Variants in TMPRSS12 observed in about 807,000 individuals in gnomAD.
TMPRSS12 encodes transmembrane protease serine 12.
In TMPRSS12, 25 loss-of-function variants were observed where a neutral mutation model predicts 26.0. The ratio of observed to expected loss-of-function variants is 0.96; its 90% CI spans 0.70 to 1.34. The LOEUF (loss-of-function observed/expected upper bound fraction) is 1.34. TMPRSS12 is among the 40% of genes most tolerant of loss of function. The probability of loss-of-function intolerance (pLI) is 0.00; values close to 1 mark genes in which losing one functional copy is unlikely to be tolerated. For missense variants in TMPRSS12, 441 were observed against 440.1 expected, an observed-to-expected ratio of 1.00 and a Z score of -0.02; for synonymous variants, 150 against 161.7, an observed-to-expected ratio of 0.93 and a Z score of 0.55.
At chr12:50,871,134 G>A (rs1938038609) in intron 3 of TMPRSS12, among the ~76,000 whole-genome samples, 1 of 152,012 alleles carries the variant, frequency 6.6e-6, no homozygotes, top group African/African-American at 2.4e-5. Context: ...AGCCCACAAA[G>A]CCAAAGCAAG....
chr12:50,874,439 C>G (rs1938094577), intron 3 of TMPRSS12, among the ~76,000 whole-genome samples: 1 of 151,852 alleles, frequency 6.6e-6, no homozygotes, highest in Non-Finnish European at 1.5e-5. Context: ...TAAAATAAAG[C>G]CTATATTAAT....
At chr12:50,859,125 T>C (rs1937910710) in intron 3 of TMPRSS12, 72 bp downstream of exon 3, 1 of 1,330,848 alleles carries the variant, frequency 7.5e-7, no homozygotes, top group African/African-American at 1.5e-5. Context: ...ACCTTTTATA[T>C]ACATTCATGT....
At position 50,872,330 on chromosome 12, in the gene TMPRSS12, G is replaced by A. The variant is rs1389272344; in HGVS notation, c.653-12916G>A. ...AGATCGAGACCATCCTGGCTAACAA[G>A]GTGAAACCCCGTCTCTACTAAAAAT... On this transcript the variant is annotated intron_variant, in intron 3 of 4. Coordinates refer to ENST00000398458, the MANE Select transcript of TMPRSS12 (RefSeq NM_182559.3). Among the ~76,000 whole-genome samples the A allele has an allele frequency of 2.7e-5, 4 of 150,860 alleles. No homozygotes were observed. The East Asian group carries it at 7.8e-4, about 30-fold the overall frequency.
intron 3 of TMPRSS12, among the ~76,000 whole-genome samples, chr12:50,874,530 A>C (rs1262065487): frequency 6.6e-6 from 1 of 152,192 alleles, no homozygotes; most frequent in Non-Finnish European, 1.5e-5. Flanking sequence ...AAGTTTAAAA[A>C]TTCTCAAAAG....
chr12:50,849,643 A>G (rs1317697958), intron 2 of TMPRSS12, among the ~76,000 whole-genome samples: 1 of 151,910 alleles, frequency 6.6e-6, no homozygotes, highest in African/African-American at 2.4e-5. Flanking sequence ...ATGTATAGCC[A>G]TTTGAGCTTG....
intron 3 of TMPRSS12, among the ~76,000 whole-genome samples, chr12:50,880,490 G>A (rs947260182): frequency 1.3e-5 from 2 of 152,150 alleles, no homozygotes; most frequent in African/African-American, 2.4e-5. Context: ...GTGTTAGTAA[G>A]GATGTGGAGA....
At chr12:50,857,777 T>C (rs1468952851) in intron 2 of TMPRSS12, among the ~76,000 whole-genome samples, 1 of 150,716 alleles carries the variant, frequency 6.6e-6, no homozygotes, top group Non-Finnish European at 1.5e-5. Context: ...GATTTTTTTC[T>C]GGTTTAGTTT....
chr12:50,865,921 T>G (rs1166235334), intron 3 of TMPRSS12, among the ~76,000 whole-genome samples: 2 of 152,112 alleles, frequency 1.3e-5, no homozygotes, highest in African/African-American at 4.8e-5. Flanking sequence ...GAGTACAGAC[T>G]GCAGAACTGA....
At chr12:50,845,984 C>G (rs1359327242) in intron 2 of TMPRSS12, among the ~76,000 whole-genome samples, 2 of 152,020 alleles carry the variant, frequency 1.3e-5, no homozygotes, top group Non-Finnish European at 2.9e-5. Flanking sequence ...GAACTGGGCT[C>G]TTTGCTTTTT....
At chr12:50,867,199 G>A in intron 3 of TMPRSS12, among the ~76,000 whole-genome samples, 1 of 152,230 alleles carries the variant, frequency 6.6e-6, no homozygotes, top group Non-Finnish European at 1.5e-5. Context: ...AGGCTCCAGA[G>A]AAAGGCGAAG....
Position 50,842,970 on chromosome 12 carries a change from G to C in TMPRSS12, c.6G>C (p.Arg2=), listed in dbSNP as rs763807982. The change falls in exon 1 of 5, where the codon CGG becomes CGC. Residue 2 remains arginine (R), a synonymous_variant. Transcript: ENST00000398458. ...CTTGCTCACCAGCCTCCAAAATGCG[G>C]CTGGGGCTCCTGAGCGTGGCGCTGT... M[R]LGLLSVALLF... 6.3e-6 allele frequency: 10 copies of C among 1,586,412 alleles called. No homozygotes were observed. The highest frequency in any genetic ancestry group is 1.3e-5 in the African/African-American group (1 of 74,170).
intron 2 of TMPRSS12, among the ~76,000 whole-genome samples, chr12:50,857,991 G>A (rs1183185617): frequency 6.6e-6 from 1 of 152,048 alleles, no homozygotes; most frequent in Non-Finnish European, 1.5e-5. Flanking sequence ...ATCACGCCCG[G>A]CTAATTTTTT....
chr12:50,871,784 T>C (rs1285233921), intron 3 of TMPRSS12, among the ~76,000 whole-genome samples: 1 of 152,046 alleles, frequency 6.6e-6, no homozygotes, highest in Non-Finnish European at 1.5e-5. Flanking sequence ...AAGACATGAA[T>C]AGGCAATTCT....
At chr12:50,845,166 G>A (rs1396857102) in intron 2 of TMPRSS12, among the ~76,000 whole-genome samples, 1 of 152,158 alleles carries the variant, frequency 6.6e-6, no homozygotes, top group East Asian at 1.9e-4. Context: ...AAATCCAACT[G>A]CAGTCTGATT....
At chr12:50,886,169 A>G (rs1228883344) in intron 4 of TMPRSS12, 1 of 152,088 alleles carries the variant, frequency 6.6e-6, no homozygotes, top group Non-Finnish European at 1.5e-5. Context: ...TCACTGAGTT[A>G]TAAGCATTTT....
At chr12:50,877,852 C>T (rs1250676168) in intron 3 of TMPRSS12, among the ~76,000 whole-genome samples, 1 of 152,160 alleles carries the variant, frequency 6.6e-6, no homozygotes, top group African/African-American at 2.4e-5. Flanking sequence ...TCAAGTGATC[C>T]GCCTGCCTTG....
intron 3 of TMPRSS12, among the ~76,000 whole-genome samples, chr12:50,871,428 C>T (rs1938041486): frequency 6.6e-6 from 1 of 152,142 alleles, no homozygotes; most frequent in Admixed American, 6.5e-5. Context: ...TTGTCGCTCA[C>T]TTTGTACAAA....
chr12:50,860,836 C>G (rs2139726211), intron 3 of TMPRSS12, among the ~76,000 whole-genome samples: 1 of 152,240 alleles, frequency 6.6e-6, no homozygotes, highest in East Asian at 1.9e-4. Flanking sequence ...GTCTTGAACT[C>G]CTAGTCTTAA....
intron 2 of TMPRSS12, among the ~76,000 whole-genome samples, chr12:50,845,039 T>C (rs1466687250): frequency 1.3e-5 from 2 of 152,142 alleles, no homozygotes; most frequent in African/African-American, 4.8e-5. Flanking sequence ...AAAAAATTGT[T>C]AATGTAAAAA....
Sources: gnomAD v4.1 joint callset for allele counts (sites outside exome capture counted in the v4.1 genomes callset) on GRCh38, gnomAD v4.1.1 for gene constraint, MANE v1.5 for transcripts, NCBI Gene and HGNC (gene_info 2026-07-23, HGNC 2026-07-21) for gene names.